CLINT1: variants seen among roughly 807,000 people sequenced by gnomAD.
The protein encoded by CLINT1 is clathrin interactor 1, also known as clathrin interacting protein localized in the trans-Golgi region.
A neutral mutation model predicts 70.4 loss-of-function variants in CLINT1; 15 were observed. The observed-to-expected ratio is 0.21, with a 90% CI of 0.14 to 0.33. CLINT1 has a LOEUF of 0.33. Among genes scored for constraint, CLINT1 ranks in the 10% least tolerant of loss-of-function variants. The probability of loss-of-function intolerance (pLI) is 1.00; values close to 1 mark genes in which losing one functional copy is unlikely to be tolerated. For synonymous variants in CLINT1, 227 were observed against 254.7 expected (o/e 0.89, Z 1.04); for missense variants, 615 against 778.1 (o/e 0.79, Z 2.49).
intron 3 of CLINT1, among the ~76,000 whole-genome samples, chr5:157,816,258 G>A (rs1376788520): frequency 6.6e-6 from 1 of 152,120 alleles, no homozygotes; most frequent in Non-Finnish European, 1.5e-5. Flanking sequence ...TGCATTATAT[G>A]AGATCAGAAC....
intron 1 of CLINT1, among the ~76,000 whole-genome samples, 196 bp downstream of exon 1, chr5:157,858,734 A>T (rs905397318): frequency 6.6e-6 from 1 of 151,958 alleles, no homozygotes; most frequent in African/African-American, 2.4e-5. Context: ...GTTTTTTTTT[A>T]AAACGAGGGA....
At chr5:157,846,757 C>T (rs1282405013) in intron 1 of CLINT1, among the ~76,000 whole-genome samples, 3 of 152,184 alleles carry the variant, frequency 2.0e-5, no homozygotes, top group Admixed American at 6.5e-5. Flanking sequence ...CATGGGCTAA[C>T]GCAGCTGTGA....
intron 1 of CLINT1, among the ~76,000 whole-genome samples, chr5:157,822,124 G>A (rs557138971): frequency 2.0e-5 from 3 of 151,964 alleles, no homozygotes; most frequent in Non-Finnish European, 4.4e-5. Context: ...TTGTGGGAGG[G>A]ACCTGTTGGG....
chr5:157,846,767 A>G (rs1753396230), intron 1 of CLINT1, among the ~76,000 whole-genome samples: 1 of 152,196 alleles, frequency 6.6e-6, no homozygotes, highest in South Asian at 2.1e-4. Flanking sequence ...CGCAGCTGTG[A>G]GCCAGTGCTC....
intron 1 of CLINT1, among the ~76,000 whole-genome samples, chr5:157,819,165 C>G (rs1415491037): frequency 6.6e-6 from 1 of 152,022 alleles, no homozygotes; most frequent in Non-Finnish European, 1.5e-5. Context: ...AAAGAACAAA[C>G]CAACAAACAG....
chr5:157,801,993 C>G (rs1762238626), intron 8 of CLINT1, among the ~76,000 whole-genome samples: 1 of 151,752 alleles, frequency 6.6e-6, no homozygotes, highest in African/African-American at 2.4e-5. Context: ...CTCCTGGGTT[C>G]AAGCGATTCT....
chr5:157,837,855 G>T (rs1008733342), intron 1 of CLINT1, among the ~76,000 whole-genome samples: 1 of 151,890 alleles, frequency 6.6e-6, no homozygotes, highest in Non-Finnish European at 1.5e-5. Flanking sequence ...TGTTGGCCAG[G>T]ATGGTCTCAA....
intron 1 of CLINT1, among the ~76,000 whole-genome samples, chr5:157,855,163 G>GGC (rs201817013): frequency 0.014 from 1,225 of 86,172 alleles, 144 homozygotes; most frequent in African/African-American, 0.051. Context: ...AAGGCGGGGG[G>GGC]GGGGGCGGGT....
Position 157,786,650 on chromosome 5 carries a change from T to C in CLINT1, c.*996A>G, listed in dbSNP as rs1176858503. On this transcript the variant is annotated 3_prime_UTR_variant, in exon 12 of 12. Transcript: ENST00000411809. ...TGGAACCATATTGCTAATGCTGCAT[T>C]ATATACACTCAAAACCAAAACAAAA... 6.6e-6 allele frequency: 1 copy of C among 152,584 alleles called. No homozygotes were observed. Among genetic ancestry groups the C allele is most frequent in the African/African-American group, 2.4e-5 (1 of 41,430 alleles). 9.5% of individuals were successfully genotyped at this position (152,584 alleles called of 1,614,324 possible). A position where few individuals can be genotyped will look rare whatever the true frequency, so the allele number is the denominator to read the frequency against.
intron 1 of CLINT1, among the ~76,000 whole-genome samples, chr5:157,820,309 C>T (rs1762841681): frequency 2.0e-5 from 3 of 151,998 alleles, no homozygotes; most frequent in Non-Finnish European, 2.9e-5. Flanking sequence ...ATTTGCTGGG[C>T]GTGGTAGCGT....
At position 157,789,507 on chromosome 5, in the gene CLINT1, C is replaced by T. The variant is rs745919328; in HGVS notation, c.1387G>A (p.Asp463Asn). ...TTGCTGACTGATTTCTGGACCATAT[C>T]TGTATTCTGATTATAGAGAGGATTA... is the stretch of plus-strand genomic sequence containing the variant. ...GLPMSRSQNT[D>N]MVQKSVSKTL... Residue 463 changes from aspartate to asparagine, a missense_variant, in exon 11 of 12, where the codon GAT becomes AAT. By Grantham distance (23) the Asp-to-Asn change is conservative. Transcript: ENST00000411809. 6.2e-7 allele frequency: 1 copy of T among 1,613,956 alleles called. No homozygotes were observed. The highest frequency in any genetic ancestry group is 8.5e-7 in the Non-Finnish European group (1 of 1,179,872).
intron 8 of CLINT1, among the ~76,000 whole-genome samples, chr5:157,801,987 TG>T (rs1561642440): frequency 6.6e-6 from 1 of 151,880 alleles, no homozygotes; most frequent in Admixed American, 6.6e-5. Context: ...CTCCACCTCC[TG>T]GGTTCAAGCG....
At chr5:157,837,649 C>CTTTTTTTT (rs202044066) in intron 1 of CLINT1, among the ~76,000 whole-genome samples, 14,946 of 138,150 alleles carry the variant, frequency 0.11, 1,252 homozygotes, top group Non-Finnish European at 0.17. Context: ...AGCTCTTTTA[C>CTTTTTTTT]TTTTTTTTTT....
intron 3 of CLINT1, among the ~76,000 whole-genome samples, chr5:157,815,113 TCA>T (rs965917018): frequency 1.5e-5 from 2 of 133,612 alleles, no homozygotes; most frequent in East Asian, 4.0e-4. Flanking sequence ...ATAGACATCT[TCA>T]CACATACACA....
chr5:157,816,436 A>G (rs909855751), intron 3 of CLINT1, among the ~76,000 whole-genome samples: 1 of 152,176 alleles, frequency 6.6e-6, no homozygotes, highest in Non-Finnish European at 1.5e-5. Flanking sequence ...CTCATACACT[A>G]AACATGCACA....
chr5:157,807,230 G>T (rs867674718), intron 6 of CLINT1, among the ~76,000 whole-genome samples: 51 of 151,954 alleles, frequency 3.4e-4, no homozygotes, highest in Non-Finnish European at 6.3e-4. Flanking sequence ...ACAGAGCAAA[G>T]GGGTTAAATA....
chr5:157,816,084 T>C (rs1762714762), intron 3 of CLINT1, among the ~76,000 whole-genome samples: 1 of 152,180 alleles, frequency 6.6e-6, no homozygotes, highest in Admixed American at 6.6e-5. Flanking sequence ...TGACACTGAA[T>C]GTTTTCAGAA....
intron 3 of CLINT1, 66 bp from the exon 4 acceptor site, chr5:157,814,359 TA>T (rs140043015): frequency 0.15 from 153,159 of 1,039,028 alleles, 13,818 homozygotes; most frequent in Non-Finnish European, 0.17. Context: ...GGTAAATGGT[TA>T]AAAAAAATAA....
chr5:157,819,430 G>T (rs1034490426), intron 1 of CLINT1, among the ~76,000 whole-genome samples: 12 of 151,944 alleles, frequency 7.9e-5, no homozygotes, highest in African/African-American at 2.9e-4. Context: ...CCTTAAAAAT[G>T]TTAAGACCAC....
Sources: gnomAD v4.1 joint callset for allele counts (sites outside exome capture counted in the v4.1 genomes callset) on GRCh38, gnomAD v4.1.1 for gene constraint, MANE v1.5 for transcripts, NCBI Gene and HGNC (gene_info 2026-07-23, HGNC 2026-07-21) for gene names.